Variants in NKAIN3 observed in about 807,000 individuals in gnomAD.
The protein encoded by NKAIN3 is sodium/potassium-transporting ATPase subunit beta-1-interacting protein 3.
In NKAIN3, 25 loss-of-function variants were observed where a neutral mutation model predicts 30.2. The observed-to-expected ratio is 0.83, with a 90% confidence interval of 0.60 to 1.16. NKAIN3 has a LOEUF of 1.16. NKAIN3 is among the 50% of genes most tolerant of loss of function. The pLI, the probability that NKAIN3 is intolerant of heterozygous loss-of-function variation, is 0.00. For synonymous variants in NKAIN3, 91 were observed against 89.6 expected (o/e 1.02, Z -0.09); for missense variants, 225 against 254.1 (o/e 0.89, Z 0.78).
At chr8:62,410,008 A>G (rs1035929988) in intron 1 of NKAIN3, among the ~76,000 whole-genome samples, 2 of 152,162 alleles carry the variant, frequency 1.3e-5, no homozygotes, top group African/African-American at 2.4e-5. Context: ...TTTAAGATAC[A>G]GGGAGCACAT....
intron 3 of NKAIN3, among the ~76,000 whole-genome samples, chr8:62,661,480 G>T (rs946057827): frequency 2.0e-5 from 3 of 152,166 alleles, no homozygotes; most frequent in African/African-American, 7.2e-5. Context: ...ACTTCCCTGG[G>T]CTGGGGCCAA....
At chr8:62,800,730 G>T (rs1269301952) in intron 4 of NKAIN3, among the ~76,000 whole-genome samples, 1 of 152,176 alleles carries the variant, frequency 6.6e-6, no homozygotes, top group Non-Finnish European at 1.5e-5. Flanking sequence ...TGAGGTACCG[G>T]GTTCATCTCA....
chr8:62,405,420 G>A (rs1416145605), intron 1 of NKAIN3, among the ~76,000 whole-genome samples: 1 of 152,216 alleles, frequency 6.6e-6, no homozygotes, highest in African/African-American at 2.4e-5. Flanking sequence ...TGGTGGAGCT[G>A]CAAGAACTCA....
chr8:62,629,839 TA>T (rs1478618854), intron 3 of NKAIN3, among the ~76,000 whole-genome samples: 3 of 152,124 alleles, frequency 2.0e-5, no homozygotes, highest in African/African-American at 7.2e-5. Context: ...TTATAAACCT[TA>T]TATATGGATC....
chr8:62,930,190 C>G (rs1822573704), intron 5 of NKAIN3, among the ~76,000 whole-genome samples: 1 of 152,128 alleles, frequency 6.6e-6, no homozygotes, highest in Admixed American at 6.5e-5. Flanking sequence ...TATCTCTGTA[C>G]CCATTCAACA....
At chr8:62,529,820 C>T (rs1381989020) in intron 1 of NKAIN3, among the ~76,000 whole-genome samples, 2 of 152,036 alleles carry the variant, frequency 1.3e-5, no homozygotes, top group African/African-American at 4.8e-5. Flanking sequence ...AAGTTTTTAC[C>T]CATGAAGAAA....
intron 1 of NKAIN3, among the ~76,000 whole-genome samples, chr8:62,408,549 T>C (rs1370672693): frequency 2.0e-5 from 3 of 152,214 alleles, no homozygotes; most frequent in Non-Finnish European, 4.4e-5. Flanking sequence ...TTAGCAGAGA[T>C]CTTTAAAAAC....
chr8:62,432,608 A>G (rs1013976192), intron 1 of NKAIN3, among the ~76,000 whole-genome samples: 1 of 152,092 alleles, frequency 6.6e-6, no homozygotes, highest in African/African-American at 2.4e-5. Context: ...CTGAGCCTGT[A>G]TCAGGGAAAT....
At chr8:62,960,499 C>T (rs1823540018) in intron 6 of NKAIN3, among the ~76,000 whole-genome samples, 1 of 151,220 alleles carries the variant, frequency 6.6e-6, no homozygotes, top group Non-Finnish European at 1.5e-5. Context: ...AGATATAGTC[C>T]ACCACCACCC....
At chr8:62,400,778 G>A (rs180735169) in intron 1 of NKAIN3, among the ~76,000 whole-genome samples, 191 of 151,264 alleles carry the variant, frequency 1.3e-3, no homozygotes, top group African/African-American at 4.5e-3. Flanking sequence ...TGAGAAGTCC[G>A]CTGCCACATG....
intron 1 of NKAIN3, among the ~76,000 whole-genome samples, chr8:62,371,218 C>T (rs575673548): frequency 6.6e-6 from 1 of 151,874 alleles, no homozygotes; most frequent in African/African-American, 2.4e-5. Context: ...TTTCTTATAT[C>T]TCTCTCTCCA....
chr8:62,492,436 C>G (rs1807100191), intron 1 of NKAIN3, among the ~76,000 whole-genome samples: 1 of 152,058 alleles, frequency 6.6e-6, no homozygotes, highest in African/African-American at 2.4e-5. Flanking sequence ...TAATTTTCTT[C>G]TTATCTTACT....
intron 4 of NKAIN3, among the ~76,000 whole-genome samples, chr8:62,873,957 T>C (rs191601521): frequency 9.4e-4 from 143 of 151,540 alleles, no homozygotes; most frequent in African/African-American, 3.2e-3. Context: ...AACCAAAAGC[T>C]AGCAGACAAC....
intron 3 of NKAIN3, among the ~76,000 whole-genome samples, chr8:62,616,354 C>G (rs941109846): frequency 6.6e-6 from 1 of 152,104 alleles, no homozygotes; most frequent in African/African-American, 2.4e-5. Flanking sequence ...GGGGTTCTCT[C>G]GACCACTCCT....
At chr8:62,618,051 CG>C (rs1399401528) in intron 3 of NKAIN3, among the ~76,000 whole-genome samples, 1 of 152,182 alleles carries the variant, frequency 6.6e-6, no homozygotes, top group East Asian at 1.9e-4. Flanking sequence ...TATATTCTCA[CG>C]GTTCTGTCAT....
intron 4 of NKAIN3, among the ~76,000 whole-genome samples, chr8:62,870,713 A>ATATATATG (rs1820611747): frequency 7.4e-6 from 1 of 135,102 alleles, no homozygotes; most frequent in Non-Finnish European, 1.5e-5. Flanking sequence ...CTATATATCT[A>ATATATATG]TATCTCTATA....
intron 3 of NKAIN3, among the ~76,000 whole-genome samples, chr8:62,682,239 A>G (rs1207612782): frequency 1.3e-5 from 2 of 152,092 alleles, no homozygotes; most frequent in Non-Finnish European, 2.9e-5. Context: ...GATCCAGATT[A>G]CAGGAAGGAC....
intron 3 of NKAIN3, among the ~76,000 whole-genome samples, chr8:62,627,203 A>G (rs1308924034): frequency 6.6e-6 from 1 of 152,148 alleles, no homozygotes; most frequent in African/African-American, 2.4e-5. Flanking sequence ...TAATTTTTCT[A>G]TTTGAGAAAT....
rs1252277738 is a variant in NKAIN3 at position 62,975,513 on chromosome 8, A to G, written c.*10106A>G. Among the ~76,000 whole-genome samples, 2 of 151,986 alleles carry G rather than the reference A, an allele frequency of 1.3e-5. No homozygotes were observed. The highest frequency in any genetic ancestry group is 2.9e-5 in the Non-Finnish European group (2 of 67,958). ...TTCTGTGGGATTAGTGGTGATCTCC[A>G]CTTTATCACTTTTTATTGTGTCTAT... On this transcript the variant is annotated 3_prime_UTR_variant, in exon 7 of 7. Transcript: ENST00000623646.
Sources: gnomAD v4.1 joint callset for allele counts (sites outside exome capture counted in the v4.1 genomes callset) on GRCh38, gnomAD v4.1.1 for gene constraint, MANE v1.5 for transcripts, NCBI Gene and HGNC (gene_info 2026-07-23, HGNC 2026-07-21) for gene names.